Variants in CCDC138 observed in about 807,000 individuals in gnomAD.
The protein encoded by CCDC138 is coiled-coil domain containing 138, also known as coiled-coil domain-containing protein 138.
In CCDC138, 66 loss-of-function variants were observed where a neutral mutation model predicts 82.3. That is an observed-to-expected ratio of 0.80 (90% CI 0.66 to 0.98). CCDC138 has a LOEUF of 0.98. Ranked by LOEUF, CCDC138 falls within the 50% of genes least tolerant of loss-of-function variation. The pLI is 0.00. For synonymous variants in CCDC138, 297 were observed against 265.4 expected, an observed-to-expected ratio of 1.12 and a Z score of -1.16; for missense variants, 816 against 758.9, an observed-to-expected ratio of 1.08 and a Z score of -0.88.
At chr2:108,861,295 AT>A (rs1693565870) in intron 13 of CCDC138, among the ~76,000 whole-genome samples, 1 of 151,160 alleles carries the variant, frequency 6.6e-6, no homozygotes, top group African/African-American at 2.4e-5. Context: ...CATTTCGTCG[AT>A]CCTTATATAG....
intron 5 of CCDC138, among the ~76,000 whole-genome samples, chr2:108,797,270 G>A (rs1681063031): frequency 6.6e-6 from 1 of 152,166 alleles, no homozygotes; most frequent in African/African-American, 2.4e-5. Flanking sequence ...GAGAAGCCAT[G>A]GCCAGAGAGA....
chr2:108,857,617 G>A (rs1401385692), intron 13 of CCDC138, among the ~76,000 whole-genome samples: 5 of 152,008 alleles, frequency 3.3e-5, no homozygotes, highest in Non-Finnish European at 2.9e-5. Context: ...TTTTATCAAC[G>A]TTTTTAGCTA....
chr2:108,803,335 T>C (rs1682294700), intron 6 of CCDC138, among the ~76,000 whole-genome samples: 1 of 152,234 alleles, frequency 6.6e-6, no homozygotes, highest in Admixed American at 6.5e-5. Flanking sequence ...CTCCCCACAC[T>C]CTGGCTCATA....
chr2:108,864,195 G>A (rs1466913524), intron 13 of CCDC138, among the ~76,000 whole-genome samples: 2 of 151,736 alleles, frequency 1.3e-5, no homozygotes, highest in Non-Finnish European at 2.9e-5. Flanking sequence ...ATATGATGGG[G>A]GATAAAATCT....
In CCDC138 at chr2:108,815,974, A is replaced by G. The variant is rs1174950796; in HGVS notation, c.1075A>G (p.Thr359Ala). ...TAATGGGCAAGTTTATGAACTTTTA[A>G]CTGTCTTCATGGACTGGATTTCGGA... is the stretch of plus-strand genomic sequence containing the variant. ...PLNGQVYELLTVFMDWISDHH... is the reference protein window; with the variant it reads ...PLNGQVYELLAVFMDWISDHH... Residue 359 changes from threonine (T) to alanine (A), a missense_variant, in exon 10 of 15, where the codon ACT becomes GCT. Coordinates refer to ENST00000295124, the MANE Select transcript of CCDC138 (RefSeq NM_144978.3). The G allele has an allele frequency of 6.2e-7, 1 of 1,612,908 alleles. No individual in the cohort carries two copies. The highest frequency in any genetic ancestry group is 1.3e-5 in the African/African-American group (1 of 75,004).
At chr2:108,883,909 A>G (rs1359446993) in intron 2 of CCDC138, 1 of 151,382 alleles carries the variant, frequency 6.6e-6, no homozygotes, top group Non-Finnish European at 1.5e-5. Context: ...CTCCTAAATA[A>G]TGTGAACTTG....
intron 9 of CCDC138, among the ~76,000 whole-genome samples, chr2:108,815,291 G>A (rs1482550326): frequency 6.6e-6 from 1 of 151,752 alleles, no homozygotes; most frequent in South Asian, 2.1e-4. Flanking sequence ...CTTAAGTTAA[G>A]GCTAATTTTA....
At chr2:108,853,974 AT>A (rs1345228965) in intron 12 of CCDC138, among the ~76,000 whole-genome samples, 5 of 104,860 alleles carry the variant, frequency 4.8e-5, no homozygotes, top group African/African-American at 1.8e-4. Context: ...TAAAATATAT[AT>A]AATATATAAT....
In CCDC138 at chr2:108,794,618, C is replaced by G. The variant is rs768927417; in HGVS notation, c.473C>G (p.Pro158Arg). 1.2e-6 allele frequency: 2 copies of G among 1,614,076 alleles called. No homozygotes were observed. Among genetic ancestry groups the G allele is most frequent in the Non-Finnish European group, 8.5e-7 (1 of 1,179,990 alleles). The part of the protein sequence containing the change: ...CSDAGDSPLK[P>R]VSCPKSKASD... The stretch of plus-strand genomic sequence containing the variant: ...GATGCAGGTGACTCTCCTTTGAAAC[C>G]TGTCAGCTGTCCAAAATCTAAAGCA... Residue 158 changes from proline (P) to arginine (R), a missense_variant, in exon 5 of 15, where the codon CCT becomes CGT. Pro to Arg is a moderately radical substitution (Grantham distance 103). Transcript: ENST00000295124.
At chr2:108,846,553 T>C (rs1247342718) in intron 11 of CCDC138, 185 bp from the exon 12 acceptor site, 1 of 152,612 alleles carries the variant, frequency 6.6e-6, no homozygotes, top group Non-Finnish European at 1.4e-5. Flanking sequence ...AGTGAGTGCC[T>C]GTAGTCCCAG....
At chr2:108,849,561 C>G (rs978218946) in intron 12 of CCDC138, among the ~76,000 whole-genome samples, 4 of 152,166 alleles carry the variant, frequency 2.6e-5, no homozygotes, top group Non-Finnish European at 5.9e-5. Context: ...TGCCTTCACT[C>G]TCTAGTCTCC....
In CCDC138 at chr2:108,854,066, T is replaced by A. The variant is rs553674180; in HGVS notation, c.1517-2728T>A. On this transcript the variant is annotated intron_variant, in intron 12 of 14. Coordinates refer to ENST00000295124, the MANE Select transcript of CCDC138 (RefSeq NM_144978.3). Reference sequence around the variant, plus strand: ...TATAATAAATTTATATTATATATATTTTATATATAATATAATAAATTTATA... The same window carrying A: ...TATAATAAATTTATATTATATATATATTATATATAATATAATAAATTTATA... Among the ~76,000 whole-genome samples the A allele has an allele frequency of 1.7e-3, 202 of 121,736 alleles. 1 individual carries two copies. Among genetic ancestry groups the A allele is most frequent in the African/African-American group, 6.5e-3 (195 of 29,854 alleles). 79.9% of individuals were successfully genotyped at this position (121,736 alleles called of 152,430 possible).
intron 11 of CCDC138, among the ~76,000 whole-genome samples, chr2:108,839,770 C>T (rs1027033449): frequency 4.6e-5 from 7 of 151,422 alleles, no homozygotes; most frequent in Non-Finnish European, 8.8e-5. Context: ...CTTGAAGATT[C>T]CTCAGGATTT....
Position 108,847,834 on chromosome 2 carries a change from A to G in CCDC138, c.1516+904A>G, listed in dbSNP as rs1690742583. The stretch of plus-strand genomic sequence containing the variant: ...ATGGTATGGAATTGATGAAAAAGTA[A>G]AAAACCATATAACTGCCTTCTTAAT... On this transcript the variant is annotated intron_variant, in intron 12 of 14. Transcript: ENST00000295124. 2.6e-5 allele frequency among the ~76,000 whole-genome samples: 4 copies of G among 152,306 alleles called. No individual in the cohort carries two copies. The South Asian group carries it at 8.3e-4, about 32-fold the overall frequency.
rs978078919 is a variant in CCDC138 at position 108,876,341 on chromosome 2, G to A, written c.*88G>A. On this transcript the variant is annotated 3_prime_UTR_variant, in exon 15 of 15. Transcript: ENST00000295124. ...AGTAACTACAATTCTACCAAGTAAA[G>A]TTATCAGTAGCATCATTTATCATGA... 6 of 680,588 alleles carry A rather than the reference G, an allele frequency of 8.8e-6. No individual in the cohort carries two copies. Among genetic ancestry groups the A allele is most frequent in the Admixed American group, 2.7e-5 (1 of 37,052 alleles). 42.2% of individuals were successfully genotyped at this position (680,588 alleles called of 1,614,324 possible).
intron 1 of CCDC138, 184 bp from the exon 2 acceptor site, chr2:108,787,848 G>C (rs1573884551): frequency 5.7e-6 from 1 of 176,662 alleles, no homozygotes; most frequent in South Asian, 1.9e-4. Flanking sequence ...CCTGCTGTGG[G>C]GAGGAACATG....
At chr2:108,847,611 C>T (rs1690710292) in intron 12 of CCDC138, among the ~76,000 whole-genome samples, 1 of 152,130 alleles carries the variant, frequency 6.6e-6, no homozygotes, top group Non-Finnish European at 1.5e-5. Flanking sequence ...TTAGCTATAA[C>T]AGGTTATATT....
intron 12 of CCDC138, among the ~76,000 whole-genome samples, chr2:108,856,147 G>T (rs2104617468): frequency 1.3e-5 from 2 of 152,168 alleles, no homozygotes; most frequent in African/African-American, 4.8e-5. Context: ...GGCCTTGCAG[G>T]TTTCTCAGTC....
chr2:108,873,876 C>A (rs760145407), intron 14 of CCDC138, among the ~76,000 whole-genome samples: 3 of 152,106 alleles, frequency 2.0e-5, no homozygotes, highest in Admixed American at 6.6e-5. Context: ...TGATTTAGAC[C>A]TTTCTGAATC....
Sources: allele counts gnomAD v4.1 joint callset (sites outside exome capture counted in the v4.1 genomes callset), GRCh38; gene constraint gnomAD v4.1.1; transcripts MANE v1.5; gene names NCBI Gene and HGNC (gene_info 2026-07-23, HGNC 2026-07-21).